The following MACROD2 variants were observed in gnomAD, a reference collection of about 807,000 sequenced individuals.
MACROD2 encodes the protein mono-ADP ribosylhydrolase 2.
MACROD2 carries 36 observed loss-of-function variants against 70.4 expected under a neutral mutation model. The observed-to-expected ratio is 0.51, with a 90% CI of 0.39 to 0.68. MACROD2 has a LOEUF of 0.68. MACROD2 is among the 30% of genes least tolerant of loss of function. The pLI, the probability that MACROD2 is intolerant of heterozygous loss-of-function variation, is 0.00. For missense variants in MACROD2, 496 were observed against 538.4 expected (o/e 0.92, Z 0.78); for synonymous variants, 172 against 178.8 (o/e 0.96, Z 0.30).
In MACROD2 at chr20:15,107,365, GA is replaced by G. The variant is rs948778886; in HGVS notation, c.419-122565del. ...GCTGACACATAACCAATTAATAGTT[GA>G]AAAAAAAAACTACCATTTGTTGTCA... On this transcript the variant is annotated intron_variant, in intron 5 of 17. Transcript: ENST00000684519. Among the ~76,000 whole-genome samples the G allele has an allele frequency of 3.5e-3, 518 of 147,492 alleles. 4 individuals carry two copies. The highest frequency in any genetic ancestry group is 0.015 in the Admixed American group (226 of 14,804).
At chr20:14,821,090 T>G (rs1356331493) in intron 5 of MACROD2, among the ~76,000 whole-genome samples, 2 of 152,142 alleles carry the variant, frequency 1.3e-5, no homozygotes, top group Non-Finnish European at 2.9e-5. Flanking sequence ...AGTTTTCCAG[T>G]CTTGCTAAGA....
At chr20:14,803,995 G>T (rs554957509) in intron 5 of MACROD2, among the ~76,000 whole-genome samples, 7 of 152,098 alleles carry the variant, frequency 4.6e-5, no homozygotes, top group African/African-American at 1.7e-4. Flanking sequence ...GTCATAAGTT[G>T]TGAACTTTAG....
At chr20:14,131,616 T>C (rs1012782815) in intron 3 of MACROD2, among the ~76,000 whole-genome samples, 1 of 152,210 alleles carries the variant, frequency 6.6e-6, no homozygotes, top group African/African-American at 2.4e-5. Context: ...AAGGAGAGTG[T>C]AGGCATGTAG....
intron 4 of MACROD2, among the ~76,000 whole-genome samples, chr20:14,566,204 C>T (rs906555978): frequency 5.3e-5 from 8 of 151,950 alleles, no homozygotes; most frequent in African/African-American, 9.6e-5. Context: ...GAAAAATGGG[C>T]AAAGGGCATG....
In MACROD2 at chr20:15,693,074, C is replaced by T. The variant is rs1568977879; in HGVS notation, c.646-169671C>T. On this transcript the variant is annotated intron_variant, in intron 8 of 17. Transcript: ENST00000684519. ...TGATTGTAAGTTTCCTGAGGCCTTCCAATCATGCTTCCTGTTAAGCCTGCA... is the reference window on the plus strand; with the variant it reads ...TGATTGTAAGTTTCCTGAGGCCTTCTAATCATGCTTCCTGTTAAGCCTGCA... 2.0e-5 allele frequency among the ~76,000 whole-genome samples: 3 copies of T among 152,132 alleles called. No homozygotes were observed. The South Asian group carries it at 6.2e-4, about 31-fold the overall frequency.
intron 9 of MACROD2, among the ~76,000 whole-genome samples, chr20:15,879,113 A>C (rs1401386790): frequency 1.3e-5 from 2 of 152,182 alleles, no homozygotes; most frequent in African/African-American, 4.8e-5. Flanking sequence ...CTGAACACAC[A>C]GAACAATGCC....
intron 7 of MACROD2, among the ~76,000 whole-genome samples, chr20:15,457,884 C>T (rs1367397482): frequency 6.6e-6 from 1 of 150,868 alleles, no homozygotes. Context: ...TGTGGTTTCC[C>T]TTCTTCCATA....
intron 4 of MACROD2, among the ~76,000 whole-genome samples, chr20:14,670,063 C>T (rs73102512): frequency 6.6e-6 from 1 of 152,002 alleles, no homozygotes; most frequent in Non-Finnish European, 1.5e-5. Flanking sequence ...GTAAATTTCC[C>T]AGTTGTTTTA....
intron 10 of MACROD2, among the ~76,000 whole-genome samples, chr20:15,926,892 C>T (rs901993521): frequency 1.3e-5 from 2 of 152,162 alleles, no homozygotes; most frequent in Admixed American, 1.3e-4. Context: ...GTATGAGCTG[C>T]CTCACACTTT....
intron 6 of MACROD2, among the ~76,000 whole-genome samples, chr20:15,329,646 T>A (rs1284288890): frequency 6.6e-6 from 1 of 152,064 alleles, no homozygotes; most frequent in East Asian, 1.9e-4. Flanking sequence ...TAAAACAAAA[T>A]CTTGAAGTGA....
chr20:14,363,796 G>A (rs1279225675), intron 3 of MACROD2, among the ~76,000 whole-genome samples: 3 of 122,728 alleles, frequency 2.4e-5, no homozygotes, highest in Non-Finnish European at 4.8e-5. Flanking sequence ...CAGCCTGGGC[G>A]ACAGAGCCAG....
chr20:15,168,949 A>G (rs1363245158), intron 5 of MACROD2, among the ~76,000 whole-genome samples: 1 of 152,214 alleles, frequency 6.6e-6, no homozygotes, highest in Non-Finnish European at 1.5e-5. Context: ...AGATATCTAG[A>G]GTAGTCAAAT....
At chr20:15,498,794 ACAAT>A (rs779493309) in intron 7 of MACROD2, among the ~76,000 whole-genome samples, 4 of 152,222 alleles carry the variant, frequency 2.6e-5, no homozygotes, top group Non-Finnish European at 4.4e-5. Flanking sequence ...AAACTTTAAA[ACAAT>A]AAGTAATAAA....
intron 3 of MACROD2, among the ~76,000 whole-genome samples, chr20:14,108,828 A>G (rs572712368): frequency 6.6e-5 from 10 of 152,240 alleles, no homozygotes; most frequent in South Asian, 2.1e-4. Context: ...GGAGACTTCA[A>G]CACCCCACTT....
At chr20:15,293,317 C>A (rs1341752102) in intron 6 of MACROD2, among the ~76,000 whole-genome samples, 1 of 152,162 alleles carries the variant, frequency 6.6e-6, no homozygotes, top group East Asian at 1.9e-4. Context: ...TAACACACTG[C>A]CATATCTTTG....
chr20:14,404,105 A>T (rs1197839138), intron 3 of MACROD2, among the ~76,000 whole-genome samples: 1 of 152,178 alleles, frequency 6.6e-6, no homozygotes, highest in Non-Finnish European at 1.5e-5. Flanking sequence ...AATTAGGGAA[A>T]TATAGATGTG....
At chr20:15,175,955 G>A (rs781579997) in intron 5 of MACROD2, among the ~76,000 whole-genome samples, 115 of 152,328 alleles carry the variant, frequency 7.5e-4, no homozygotes, top group Middle Eastern at 6.8e-3. Flanking sequence ...TCGGAGGCCT[G>A]GGAAGCCCTC....
chr20:15,077,833 C>T (rs2075670160), intron 5 of MACROD2, among the ~76,000 whole-genome samples: 1 of 152,062 alleles, frequency 6.6e-6, no homozygotes, highest in African/African-American at 2.4e-5. Flanking sequence ...ACTAGAGGGA[C>T]CATAGCAGGG....
chr20:15,445,114 T>A (rs897646392), intron 7 of MACROD2, among the ~76,000 whole-genome samples: 2 of 152,194 alleles, frequency 1.3e-5, no homozygotes, highest in African/African-American at 4.8e-5. Context: ...TACTTCACTA[T>A]TTGAAGAAGG....
Sources: gnomAD v4.1 joint callset for allele counts (sites outside exome capture counted in the v4.1 genomes callset) on GRCh38, gnomAD v4.1.1 for gene constraint, MANE v1.5 for transcripts, NCBI Gene and HGNC (gene_info 2026-07-23, HGNC 2026-07-21) for gene names.